KCNN2: variants seen among roughly 807,000 people sequenced by gnomAD.
KCNN2 encodes potassium calcium-activated channel subfamily N member 2, also known as small conductance calcium-activated potassium channel protein 2.
In KCNN2, 24 loss-of-function variants were observed where a neutral mutation model predicts 55.5. The ratio of observed to expected loss-of-function variants is 0.43; its 90% CI spans 0.31 to 0.61. The LOEUF is 0.61. Ranked by LOEUF, KCNN2 falls within the 20% of genes least tolerant of loss-of-function variation. The probability of loss-of-function intolerance (pLI) is 0.08; values close to 1 mark genes in which losing one functional copy is unlikely to be tolerated. For synonymous variants in KCNN2, 431 were observed against 336.1 expected, an observed-to-expected ratio of 1.28 and a Z score of -3.09; for missense variants, 754 against 853.6, an observed-to-expected ratio of 0.88 and a Z score of 1.45.
intron 1 of KCNN2, among the ~76,000 whole-genome samples, chr5:114,091,290 A>G (rs1751138922): frequency 6.6e-6 from 1 of 152,144 alleles, no homozygotes; most frequent in Non-Finnish European, 1.5e-5. Flanking sequence ...TGGCTCTATG[A>G]GAGCTCTCCT....
chr5:114,436,077 C>T (rs1199774843), intron 3 of KCNN2, among the ~76,000 whole-genome samples: 1 of 152,188 alleles, frequency 6.6e-6, no homozygotes, highest in Non-Finnish European at 1.5e-5. Flanking sequence ...GCATTTCACA[C>T]CTCTGACTGT....
chr5:114,128,560 C>T (rs186717659), intron 1 of KCNN2, among the ~76,000 whole-genome samples: 2 of 152,288 alleles, frequency 1.3e-5, no homozygotes, highest in East Asian at 1.9e-4. Context: ...ACATTCTTAA[C>T]TCTAGTGGTT....
chr5:114,060,318 C>G (rs1050889984), intron 1 of KCNN2, among the ~76,000 whole-genome samples: 9 of 152,248 alleles, frequency 5.9e-5, no homozygotes, highest in African/African-American at 2.2e-4. Context: ...CCTCCACCCT[C>G]TCGTTGCAGT....
intron 1 of KCNN2, among the ~76,000 whole-genome samples, chr5:114,087,025 G>A (rs536051200): frequency 2.0e-5 from 3 of 151,994 alleles, no homozygotes; most frequent in East Asian, 1.9e-4. Flanking sequence ...TGCATTTCTC[G>A]GATGCTTAGG....
intron 2 of KCNN2, among the ~76,000 whole-genome samples, chr5:114,381,681 G>A: frequency 6.6e-6 from 1 of 152,178 alleles, no homozygotes; most frequent in East Asian, 1.9e-4. Flanking sequence ...CCTCTGTGAA[G>A]CCTTCTCATT....
intron 1 of KCNN2, among the ~76,000 whole-genome samples, chr5:114,218,293 T>C (rs1318360514): frequency 1.3e-5 from 2 of 152,342 alleles, no homozygotes; most frequent in Middle Eastern, 3.4e-3. Context: ...TGGATGTTTA[T>C]AGCAGCTTTA....
At chr5:114,185,573 C>CCTAT (rs1206382235) in intron 1 of KCNN2, among the ~76,000 whole-genome samples, 2 of 152,184 alleles carry the variant, frequency 1.3e-5, no homozygotes, top group Non-Finnish European at 2.9e-5. Flanking sequence ...CCCTGTTTTC[C>CCTAT]CTATCTTTTT....
rs575879130 is a variant in KCNN2 at position 114,075,568 on chromosome 5, G to T, written c.-271+19068G>T. 2.4e-3 allele frequency among the ~76,000 whole-genome samples: 372 copies of T among 152,252 alleles called. 3 individuals are homozygous for T. Among genetic ancestry groups the T allele is most frequent in the African/African-American group, 8.6e-3 (356 of 41,552 alleles). On this transcript the variant is annotated intron_variant, in intron 1 of 10. Coordinates refer to the KCNN2 transcript ENST00000512097. ...ATGTCATATTGGCAAGCAAAAATAT[G>T]TATTTCTCTATATAGTACATTGTAA...
At chr5:114,395,333 T>C (rs1336652307) in intron 2 of KCNN2, among the ~76,000 whole-genome samples, 3 of 152,186 alleles carry the variant, frequency 2.0e-5, no homozygotes, top group African/African-American at 7.2e-5. Flanking sequence ...GGAAAGTTCA[T>C]GCTCATGGTG....
intron 1 of KCNN2, among the ~76,000 whole-genome samples, chr5:114,198,960 A>G (rs977488316): frequency 2.6e-5 from 4 of 152,068 alleles, no homozygotes; most frequent in Admixed American, 2.0e-4. Flanking sequence ...TCTAAAATCC[A>G]ATGTAAGTTC....
chr5:114,365,866 T>A (rs1003748384), intron 2 of KCNN2, among the ~76,000 whole-genome samples: 2 of 151,928 alleles, frequency 1.3e-5, no homozygotes, highest in African/African-American at 4.8e-5. Context: ...TTATTAAATA[T>A]CAGCTTTGTG....
At chr5:114,382,466 A>T (rs1561598231) in intron 2 of KCNN2, among the ~76,000 whole-genome samples, 1 of 152,172 alleles carries the variant, frequency 6.6e-6, no homozygotes, top group African/African-American at 2.4e-5. Flanking sequence ...CTCTTGGGAA[A>T]ATAGTTACTC....
intron 1 of KCNN2, among the ~76,000 whole-genome samples, chr5:114,065,077 T>A (rs1014340562): frequency 2.0e-5 from 3 of 152,190 alleles, no homozygotes; most frequent in Non-Finnish European, 2.9e-5. Flanking sequence ...ATGGATACAC[T>A]ATGTCACACT....
intron 2 of KCNN2, among the ~76,000 whole-genome samples, chr5:114,241,495 G>A (rs1303906759): frequency 6.6e-6 from 1 of 151,238 alleles, no homozygotes; most frequent in African/African-American, 2.4e-5. Context: ...ATGGAGTCAG[G>A]TATTAATACG....
intron 3 of KCNN2, among the ~76,000 whole-genome samples, chr5:114,448,978 CAT>C (rs1299683668): frequency 6.6e-6 from 1 of 152,142 alleles, no homozygotes; most frequent in African/African-American, 2.4e-5. Context: ...TGATACTAGA[CAT>C]AGAGATGTAC....
At chr5:114,184,558 T>C (rs977874787) in intron 1 of KCNN2, among the ~76,000 whole-genome samples, 1 of 152,178 alleles carries the variant, frequency 6.6e-6, no homozygotes, top group African/African-American at 2.4e-5. Flanking sequence ...CCTTTTGCTA[T>C]GACATTTTCA....
At chr5:114,436,840 C>G (rs1760021513) in intron 3 of KCNN2, among the ~76,000 whole-genome samples, 2 of 152,150 alleles carry the variant, frequency 1.3e-5, no homozygotes, top group African/African-American at 2.4e-5. Context: ...TTGACACTAT[C>G]CAATGTGATA....
intron 3 of KCNN2, among the ~76,000 whole-genome samples, chr5:114,444,000 T>A (rs1331599945): frequency 2.6e-5 from 4 of 152,162 alleles, no homozygotes; most frequent in African/African-American, 9.7e-5. Context: ...GAAAGATAAC[T>A]CACAGAACAA....
chr5:114,269,643 C>T (rs897070967), intron 2 of KCNN2, among the ~76,000 whole-genome samples: 43 of 152,102 alleles, frequency 2.8e-4, no homozygotes, highest in Non-Finnish European at 6.3e-4. Flanking sequence ...AATGTTCATT[C>T]AGGAGCCCCA....
Sources: allele counts gnomAD v4.1 joint callset (sites outside exome capture counted in the v4.1 genomes callset), GRCh38; gene constraint gnomAD v4.1.1; transcripts MANE v1.5; gene names NCBI Gene and HGNC (gene_info 2026-07-23, HGNC 2026-07-21).